SBF2: variants seen among roughly 807,000 people sequenced by gnomAD.
SBF2 encodes SET binding factor 2.
SBF2 carries 112 observed loss-of-function variants against 225.2 expected under a neutral mutation model. That is an observed-to-expected ratio of 0.50 (90% CI 0.43 to 0.58). The LOEUF is 0.58. Among genes scored for constraint, SBF2 ranks in the 20% least tolerant of loss-of-function variants. SBF2 has a pLI of 0.00. For synonymous variants in SBF2, 763 were observed against 773.3 expected (o/e 0.99, Z 0.22); for missense variants, 1,996 against 2,206.2 (o/e 0.90, Z 1.91).
chr11:9,900,029 CTTTTTTTT>C (rs72178587), intron 16 of SBF2, among the ~76,000 whole-genome samples: 32 of 133,298 alleles, frequency 2.4e-4, no homozygotes, highest in Non-Finnish European at 4.0e-4. Flanking sequence ...TCCTTTTCTT[CTTTTTTTT>C]TTTTTTTAAA....
At chr11:10,212,249 T>C (rs1321561811) in intron 1 of SBF2, among the ~76,000 whole-genome samples, 1 of 152,130 alleles carries the variant, frequency 6.6e-6, no homozygotes, top group Non-Finnish European at 1.5e-5. Context: ...GACTGTGAAA[T>C]AATTTCAAGT....
chr11:9,983,967 C>G (rs1947078777), intron 13 of SBF2, among the ~76,000 whole-genome samples: 1 of 152,096 alleles, frequency 6.6e-6, no homozygotes. Context: ...CAGAGCTTAC[C>G]CAAATAAGAA....
intron 6 of SBF2, among the ~76,000 whole-genome samples, chr11:10,011,699 T>A (rs939625263): frequency 6.6e-6 from 1 of 152,222 alleles, no homozygotes; most frequent in African/African-American, 2.4e-5. Flanking sequence ...TGGCTCCCGT[T>A]CTTTCTGTTG....
At chr11:10,004,574 T>TAACAAAAAAA (rs1948105683) in intron 6 of SBF2, among the ~76,000 whole-genome samples, 1 of 85,558 alleles carries the variant, frequency 1.2e-5, no homozygotes, top group Non-Finnish European at 2.3e-5. Flanking sequence ...CTACAAAAAT[T>TAACAAAAAAA]AAAAAAAAAA....
chr11:9,794,666 G>A (rs1032873255), intron 33 of SBF2, among the ~76,000 whole-genome samples: 7 of 61,834 alleles, frequency 1.1e-4, no homozygotes, highest in African/African-American at 4.3e-4. Context: ...CAGTGAGTGG[G>A]ACTCCGTCTC....
At chr11:9,847,760 G>C (rs1208189563) in intron 22 of SBF2, among the ~76,000 whole-genome samples, 2 of 152,050 alleles carry the variant, frequency 1.3e-5, no homozygotes, top group Admixed American at 1.3e-4. Flanking sequence ...ATGAAGATGA[G>C]AGTCTAGAAA....
At chr11:10,294,315 CGCGGGCCTCGCGGACTGCT>C (rs1398127543), upstream of SBF2, 4 of 341,054 alleles carry the variant, frequency 1.2e-5, no homozygotes, top group African/African-American at 2.1e-5. Flanking sequence ...CTCCACCCTC[CGCGGGCCTCGCGGACTGCT>C]GCGCTGGGGG....
At chr11:10,258,938 G>GA (rs890086017) in intron 1 of SBF2, among the ~76,000 whole-genome samples, 36 of 152,220 alleles carry the variant, frequency 2.4e-4, no homozygotes, top group Non-Finnish European at 2.5e-4. Context: ...AAGGCCAACA[G>GA]AAAAAATGAG....
In SBF2 at chr11:9,941,338, A is replaced by T. The variant is rs190529416; in HGVS notation, c.1860+20619T>A. On this transcript the variant is annotated intron_variant, in intron 16 of 39. Coordinates refer to ENST00000256190, the MANE Select transcript of SBF2 (RefSeq NM_030962.4). The stretch of plus-strand genomic sequence containing the variant: ...CCCTGTCTCTTCAGTAAAAATAAAA[A>T]AAAAAAAATTATCCCAAAGAAAACA... 7.7e-4 allele frequency among the ~76,000 whole-genome samples: 118 copies of T among 152,278 alleles called. 1 individual carries two copies. The highest frequency in any genetic ancestry group is 2.2e-3 in the Admixed American group (33 of 15,296).
chr11:9,992,645 T>C, intron 11 of SBF2, 102 bp from the exon 12 acceptor site: 1 of 1,105,614 alleles, frequency 9.0e-7, no homozygotes, highest in Non-Finnish European at 1.3e-6. Flanking sequence ...ATAAATCCCT[T>C]CATGTATAAA....
intron 2 of SBF2, among the ~76,000 whole-genome samples, chr11:10,050,608 C>T (rs1158450322): frequency 6.6e-6 from 1 of 151,868 alleles, no homozygotes; most frequent in Non-Finnish European, 1.5e-5. Flanking sequence ...TTATACTTGC[C>T]CTTCTTATGA....
At chr11:10,088,919 T>C (rs537482013) in intron 2 of SBF2, among the ~76,000 whole-genome samples, 1 of 152,320 alleles carries the variant, frequency 6.6e-6, no homozygotes, top group Non-Finnish European at 1.5e-5. Context: ...ACAGGCCTCT[T>C]TGCATATAGT....
At chr11:10,106,269 A>G (rs916731406) in intron 2 of SBF2, among the ~76,000 whole-genome samples, 2 of 152,226 alleles carry the variant, frequency 1.3e-5, no homozygotes, top group African/African-American at 4.8e-5. Context: ...TAAAGAAAAT[A>G]AAGAAAAGAC....
chr11:9,993,854 T>C, intron 10 of SBF2, 67 bp downstream of exon 10: 2 of 1,445,694 alleles, frequency 1.4e-6, no homozygotes, highest in Non-Finnish European at 1.9e-6. Context: ...TTAGCTTCTT[T>C]AACAACCCTA....
intron 17 of SBF2, among the ~76,000 whole-genome samples, chr11:9,869,170 C>T (rs1039887172): frequency 2.0e-5 from 3 of 152,154 alleles, no homozygotes; most frequent in African/African-American, 4.8e-5. Flanking sequence ...GTGTCTACCA[C>T]AGGTAACCAA....
At chr11:9,910,806 T>C (rs918830369) in intron 16 of SBF2, among the ~76,000 whole-genome samples, 1 of 147,276 alleles carries the variant, frequency 6.8e-6, no homozygotes, top group African/African-American at 2.5e-5. Flanking sequence ...CCCAGCACCA[T>C]GGGAGGCCAA....
chr11:10,290,508 G>A (rs747782709), intron 1 of SBF2, among the ~76,000 whole-genome samples: 7 of 152,114 alleles, frequency 4.6e-5, no homozygotes, highest in Non-Finnish European at 8.8e-5. Context: ...ATGGAAGCAT[G>A]CTGGTATGGA....
At position 10,029,957 on chromosome 11, in the gene SBF2, T is replaced by C. The variant is rs73410823; in HGVS notation, c.403-82A>G. 2.7e-3 allele frequency: 2,566 copies of C among 940,878 alleles called. 45 individuals carry two copies. The African/African-American group carries it at 0.037, about 13-fold the overall frequency. 58.3% of individuals were successfully genotyped at this position (940,878 alleles called of 1,614,324 possible). A position where few individuals can be genotyped will look rare whatever the true frequency, so the allele number is the denominator to read the frequency against. The stretch of plus-strand genomic sequence containing the variant: ...GTTATGACATCTGCTCTAGGACGAT[T>C]TCTCTTTGAACCCAGTAAAGTATAT... On this transcript the variant is annotated intron_variant, in intron 4 of 39. Transcript: ENST00000256190.
chr11:9,945,435 C>A (rs1185169076), intron 16 of SBF2, among the ~76,000 whole-genome samples: 2 of 152,086 alleles, frequency 1.3e-5, no homozygotes, highest in African/African-American at 2.4e-5. Context: ...TCACTATATA[C>A]AAAAATAAAC....
Sources: gnomAD v4.1 joint callset for allele counts (sites outside exome capture counted in the v4.1 genomes callset) on GRCh38, gnomAD v4.1.1 for gene constraint, MANE v1.5 for transcripts, NCBI Gene and HGNC (gene_info 2026-07-23, HGNC 2026-07-21) for gene names.